Variants in FAM171A1 observed in about 807,000 individuals in gnomAD.
FAM171A1 encodes the protein protein FAM171A1.
Under a neutral mutation model 74.9 loss-of-function variants are expected in FAM171A1, and 23 were observed. The observed-to-expected ratio is 0.31, with a 90% confidence interval of 0.22 to 0.44. The LOEUF (loss-of-function observed/expected upper bound fraction) is 0.44. FAM171A1 is among the 20% of genes least tolerant of loss of function. FAM171A1 has a pLI of 1.00. For synonymous variants in FAM171A1, 527 were observed against 505.7 expected (o/e 1.04, Z -0.57); for missense variants, 1,162 against 1,159.2 (o/e 1.00, Z -0.03).
rs1464925292 is a variant in FAM171A1 at position 15,248,570 on chromosome 10, C to T, written c.754+69G>A. 2.3e-5 allele frequency: 34 copies of T among 1,491,714 alleles called. No individual in the cohort carries two copies. In the East Asian group the frequency reaches 7.7e-4, roughly 34 times the overall value. 92.4% of individuals were successfully genotyped at this position (1,491,714 alleles called of 1,614,324 possible). ...AAGGAAAGGAGACTTCCATGAGCTT[C>T]TTAGAAGGAAAACCAAACAGTAACG... On this transcript the variant is annotated intron_variant, in intron 5 of 7. Transcript: ENST00000378116.
At chr10:15,283,146 G>A (rs556525629) in intron 2 of FAM171A1, among the ~76,000 whole-genome samples, 33 of 152,306 alleles carry the variant, frequency 2.2e-4, no homozygotes, top group African/African-American at 7.9e-4. Flanking sequence ...TACAGAGGGA[G>A]GGAGGGAGTG....
Position 15,244,731 on chromosome 10 carries a change from G to A in FAM171A1, c.754+3908C>T, listed in dbSNP as rs372065539. Among the ~76,000 whole-genome samples, 33 of 152,102 alleles carry A rather than the reference G, an allele frequency of 2.2e-4. 1 individual carries two copies. The highest frequency in any genetic ancestry group is 1.9e-3 in the South Asian group (9 of 4,794). On this transcript the variant is annotated intron_variant, in intron 5 of 7. Coordinates refer to ENST00000378116, the MANE Select transcript of FAM171A1 (RefSeq NM_001010924.2). ...GAGTGGCTGGTACCTGCACAGACTC[G>A]GTGAGGGTGCAGGGAGTAACAGGTC...
intron 5 of FAM171A1, among the ~76,000 whole-genome samples, chr10:15,244,773 G>T (rs1324787305): frequency 1.3e-5 from 2 of 152,122 alleles, no homozygotes; most frequent in African/African-American, 4.8e-5. Flanking sequence ...CAGACTCAGG[G>T]AGGGCACAGG....
chr10:15,294,686 T>C (rs1266773154), intron 1 of FAM171A1, among the ~76,000 whole-genome samples: 3 of 152,198 alleles, frequency 2.0e-5, no homozygotes, highest in Non-Finnish European at 2.9e-5. Context: ...CATTATCTTT[T>C]AGTCATTTCC....
At chr10:15,353,422 T>C (rs1835900535) in intron 1 of FAM171A1, among the ~76,000 whole-genome samples, 1 of 152,168 alleles carries the variant, frequency 6.6e-6, no homozygotes, top group South Asian at 2.1e-4. Context: ...ATACCATAAA[T>C]ATTGACATAA....
At chr10:15,332,077 G>A (rs867062070) in intron 1 of FAM171A1, among the ~76,000 whole-genome samples, 18 of 151,378 alleles carry the variant, frequency 1.2e-4, no homozygotes, top group Middle Eastern at 3.4e-3. Flanking sequence ...AGCCTCCCAG[G>A]TAGTAGCTGG....
At chr10:15,271,561 A>G (rs1834825225) in intron 3 of FAM171A1, among the ~76,000 whole-genome samples, 1 of 152,180 alleles carries the variant, frequency 6.6e-6, no homozygotes, top group Admixed American at 6.5e-5. Context: ...GAGAAGAGCA[A>G]CTCCAAGACA....
intron 5 of FAM171A1, among the ~76,000 whole-genome samples, chr10:15,233,524 GT>G (rs1834237090): frequency 4.3e-5 from 5 of 115,144 alleles, no homozygotes; most frequent in Non-Finnish European, 5.8e-5. Flanking sequence ...TATTCAGGGT[GT>G]GTGTGTGTGT....
intron 1 of FAM171A1, among the ~76,000 whole-genome samples, chr10:15,333,981 A>G (rs113600590): frequency 6.6e-6 from 1 of 152,124 alleles, no homozygotes; most frequent in African/African-American, 2.4e-5. Context: ...TCACTAGGCC[A>G]GGCTTTCACT....
At chr10:15,267,856 T>C (rs1248984786) in intron 3 of FAM171A1, among the ~76,000 whole-genome samples, 2 of 126,292 alleles carry the variant, frequency 1.6e-5, no homozygotes, top group African/African-American at 6.0e-5. Flanking sequence ...CTGCAGACCC[T>C]GCAGTTCAAG....
intron 1 of FAM171A1, among the ~76,000 whole-genome samples, chr10:15,353,040 G>C (rs1003102743): frequency 1.1e-4 from 16 of 152,202 alleles, no homozygotes; most frequent in Admixed American, 6.5e-5. Context: ...CGGCAGATGG[G>C]CTACAAACTT....
chr10:15,366,102 G>A (rs888388000), intron 1 of FAM171A1, among the ~76,000 whole-genome samples: 9 of 152,050 alleles, frequency 5.9e-5, no homozygotes, highest in South Asian at 2.1e-4. Flanking sequence ...TTCTTTGGTC[G>A]AGTACTGAAA....
chr10:15,319,644 G>A (rs886389057), intron 1 of FAM171A1, among the ~76,000 whole-genome samples: 2 of 152,146 alleles, frequency 1.3e-5, no homozygotes, highest in African/African-American at 4.8e-5. Flanking sequence ...TGTTGGCCAG[G>A]CTGGTCTCGA....
At chr10:15,332,439 C>T (rs1835651091) in intron 1 of FAM171A1, among the ~76,000 whole-genome samples, 1 of 152,158 alleles carries the variant, frequency 6.6e-6, no homozygotes, top group Admixed American at 6.5e-5. Flanking sequence ...CTTCTCAATG[C>T]TGCATGGGCA....
At chr10:15,265,578 G>GAAA (rs58125400) in intron 3 of FAM171A1, among the ~76,000 whole-genome samples, 13 of 37,710 alleles carry the variant, frequency 3.4e-4, no homozygotes, top group East Asian at 9.5e-4. Flanking sequence ...TGGTGCCTCT[G>GAAA]AAAAAAAAAA....
chr10:15,265,277 T>C lies in FAM171A1; in HGVS notation c.419-10398A>G, dbSNP rs553360755. Among the ~76,000 whole-genome samples, 39 of 151,562 alleles carry C rather than the reference T, an allele frequency of 2.6e-4. 1 individual carries two copies. In the South Asian group the frequency reaches 7.1e-3, roughly 28 times the overall value. ...CGTGTGTGTGTGTGTGCGTGTGTGT[T>C]TGTGTGTGTACTGTACTGTACTTTT... On this transcript the variant is annotated intron_variant, in intron 3 of 7. Coordinates refer to ENST00000378116, the MANE Select transcript of FAM171A1 (RefSeq NM_001010924.2).
At chr10:15,271,106 G>A (rs758488076) in intron 3 of FAM171A1, among the ~76,000 whole-genome samples, 8 of 152,258 alleles carry the variant, frequency 5.3e-5, no homozygotes, top group East Asian at 1.9e-4. Context: ...GAAGATGTTC[G>A]AACCCATTGC....
chr10:15,348,103 G>C (rs976781453), intron 1 of FAM171A1, among the ~76,000 whole-genome samples: 1 of 151,216 alleles, frequency 6.6e-6, no homozygotes, highest in South Asian at 2.1e-4. Context: ...TCAGCCTCCC[G>C]AGTAGCTGGG....
chr10:15,316,692 G>T (rs1487318457), intron 1 of FAM171A1, among the ~76,000 whole-genome samples: 2 of 152,118 alleles, frequency 1.3e-5, no homozygotes, highest in African/African-American at 4.8e-5. Flanking sequence ...TACCTGACTG[G>T]CAGAAATCCA....
Sources: allele counts gnomAD v4.1 joint callset (sites outside exome capture counted in the v4.1 genomes callset), GRCh38; gene constraint gnomAD v4.1.1; transcripts MANE v1.5; gene names NCBI Gene and HGNC (gene_info 2026-07-23, HGNC 2026-07-21).